GLIS3: variants seen among roughly 807,000 people sequenced by gnomAD.
The protein encoded by GLIS3 is zinc finger protein GLIS3.
A neutral mutation model predicts 78.6 loss-of-function variants in GLIS3; 53 were observed. The observed-to-expected ratio is 0.67, with a 90% CI of 0.54 to 0.85. The LOEUF (loss-of-function observed/expected upper bound fraction) is 0.85. Ranked by LOEUF, GLIS3 falls within the 40% of genes least tolerant of loss-of-function variation. The pLI, the probability that GLIS3 is intolerant of heterozygous loss-of-function variation, is 0.00. For missense variants in GLIS3, 1,703 were observed against 1,231.1 expected (o/e 1.38, Z -5.74); for synonymous variants, 684 against 509.9 (o/e 1.34, Z -4.60).
the GLIS3 span, among the ~76,000 whole-genome samples, chr9:4,395,840 C>G: frequency 6.6e-6 from 1 of 150,564 alleles, no homozygotes; most frequent in Non-Finnish European, 1.5e-5. Context: ...ATGGCACAAC[C>G]TTGGCTCACT....
chr9:3,893,245 T>C (rs2130562020), intron 7 of GLIS3, among the ~76,000 whole-genome samples: 1 of 152,332 alleles, frequency 6.6e-6, no homozygotes, highest in Non-Finnish European at 1.5e-5. Context: ...AAAAATATTT[T>C]TACGGCAAAA....
chr9:4,315,614 T>C (rs1451612828), intron 2 of GLIS3, among the ~76,000 whole-genome samples: 3 of 152,162 alleles, frequency 2.0e-5, no homozygotes. Context: ...ATGGAAGACA[T>C]ACACTCAGAA....
chr9:4,216,341 C>T (rs566049509), intron 2 of GLIS3, among the ~76,000 whole-genome samples: 15 of 151,930 alleles, frequency 9.9e-5, no homozygotes, highest in African/African-American at 3.6e-4. Flanking sequence ...GGCGTGGTGG[C>T]GGGTGCCTGT....
intron 4 of GLIS3, among the ~76,000 whole-genome samples, chr9:3,956,028 C>CAAAAAAAAAAAA (rs5896037): frequency 2.1e-3 from 186 of 87,008 alleles, no homozygotes; most frequent in Middle Eastern, 6.1e-3. Context: ...CCAGATTCAG[C>CAAAAAAAAAAAA]AAAAAAAAAA....
At chr9:3,933,569 T>C (rs1030719026) in intron 5 of GLIS3, among the ~76,000 whole-genome samples, 4 of 152,194 alleles carry the variant, frequency 2.6e-5, no homozygotes, top group African/African-American at 9.7e-5. Context: ...CATATATTAA[T>C]AGTAGCTGAT....
intron 4 of GLIS3, among the ~76,000 whole-genome samples, chr9:4,003,694 G>A (rs1425807483): frequency 2.6e-5 from 4 of 152,154 alleles, no homozygotes; most frequent in African/African-American, 9.7e-5. Flanking sequence ...TTCATTCACT[G>A]GTTCCAAATA....
chr9:4,369,359 C>G, the GLIS3 span, among the ~76,000 whole-genome samples: 9 of 152,304 alleles, frequency 5.9e-5, no homozygotes, highest in African/African-American at 2.2e-4. Flanking sequence ...GCCTGATTCT[C>G]TCATCTGTAA....
chr9:4,037,162 A>G (rs1047358672), intron 4 of GLIS3, among the ~76,000 whole-genome samples: 1 of 152,202 alleles, frequency 6.6e-6, no homozygotes, highest in Non-Finnish European at 1.5e-5. Context: ...ATGACATGTG[A>G]ACTTGCTTTA....
chr9:3,874,626 T>C (rs1821182740), intron 8 of GLIS3, among the ~76,000 whole-genome samples: 1 of 152,086 alleles, frequency 6.6e-6, no homozygotes, highest in Admixed American at 6.5e-5. Flanking sequence ...ACCTGTGGAA[T>C]CTGACACTCT....
rs371037481 is a variant in GLIS3, at chr9:3,931,644, G to A, written c.1983+716C>T. Reference sequence around the variant, plus strand: ...GTAGTAAGCTCTCTGTCTCTGGAGGGGTTGAAGCACAGTGCAGTCAACCAC... The same window carrying A: ...GTAGTAAGCTCTCTGTCTCTGGAGGAGTTGAAGCACAGTGCAGTCAACCAC... On this transcript the variant is annotated intron_variant, in intron 6 of 10. Coordinates refer to ENST00000381971, the MANE Select transcript of GLIS3 (RefSeq NM_001042413.2). Among the ~76,000 whole-genome samples, 3 of 152,170 alleles carry A rather than the reference G, an allele frequency of 2.0e-5. 1 individual carries two copies. In the East Asian group the frequency reaches 5.8e-4, roughly 29 times the overall value.
At chr9:4,457,585 C>T in the GLIS3 span, among the ~76,000 whole-genome samples, 1 of 151,918 alleles carries the variant, frequency 6.6e-6, no homozygotes, top group Admixed American at 6.6e-5. Context: ...TGGTGGCTCA[C>T]ATCTGTAATC....
chr9:3,837,017 A>G (rs1319064116), intron 9 of GLIS3, among the ~76,000 whole-genome samples: 3 of 152,156 alleles, frequency 2.0e-5, no homozygotes, highest in Admixed American at 6.5e-5. Context: ...AATTCACCCT[A>G]TGCCTCTGGG....
intron 4 of GLIS3, among the ~76,000 whole-genome samples, chr9:4,040,551 T>C (rs1563976677): frequency 6.6e-6 from 1 of 152,086 alleles, no homozygotes; most frequent in Non-Finnish European, 1.5e-5. Flanking sequence ...AAATCTTTAA[T>C]GCAAGCAAGT....
chr9:4,121,092 T>A (rs1832142339), intron 3 of GLIS3, among the ~76,000 whole-genome samples: 1 of 152,240 alleles, frequency 6.6e-6, no homozygotes, highest in Admixed American at 6.5e-5. Flanking sequence ...AAAGTATTAA[T>A]ATGAACAGAG....
chr9:3,827,881 G>A lies in GLIS3; in HGVS notation c.*391C>T, dbSNP rs886063951. The A allele has an allele frequency of 9.7e-6, 3 of 309,924 alleles. No homozygotes were observed. The highest frequency in any genetic ancestry group is 3.0e-5 in the South Asian group (1 of 33,236). 19.2% of individuals were successfully genotyped at this position (309,924 alleles called of 1,614,324 possible). ...GGTGAGGCAGGTCACTATGCCTCTC[G>A]TAATTGAGGTCTTTTTCCCTGTTTG... On this transcript the variant is annotated 3_prime_UTR_variant, in exon 11 of 11. Transcript: ENST00000381971.
intron 4 of GLIS3, among the ~76,000 whole-genome samples, chr9:3,996,962 A>C (rs1278832167): frequency 6.6e-6 from 1 of 152,226 alleles, no homozygotes; most frequent in African/African-American, 2.4e-5. Context: ...TAGAACGCTT[A>C]AGGAGAAAAA....
chr9:3,949,721 T>C (rs1230349009), intron 4 of GLIS3, among the ~76,000 whole-genome samples: 6 of 152,204 alleles, frequency 3.9e-5, no homozygotes, highest in African/African-American at 1.2e-4. Flanking sequence ...CAACAAATTG[T>C]CTTTTTTGGA....
At chr9:3,996,109 A>T (rs1820728522) in intron 4 of GLIS3, among the ~76,000 whole-genome samples, 1 of 152,204 alleles carries the variant, frequency 6.6e-6, no homozygotes, top group Non-Finnish European at 1.5e-5. Flanking sequence ...AGGAGGAATC[A>T]TATCTTCAAA....
the GLIS3 span, chr9:4,386,546 T>C: frequency 3.9e-5 from 6 of 152,292 alleles, no homozygotes; most frequent in East Asian, 1.9e-4. Flanking sequence ...GAACAAAGAA[T>C]TGGACAACAC....
Sources: gnomAD v4.1 joint callset for allele counts (sites outside exome capture counted in the v4.1 genomes callset) on GRCh38, gnomAD v4.1.1 for gene constraint, MANE v1.5 for transcripts, NCBI Gene and HGNC (gene_info 2026-07-23, HGNC 2026-07-21) for gene names.